NAV3: variants seen among roughly 807,000 people sequenced by gnomAD.
NAV3 encodes the protein neuron navigator 3, also known as pore membrane and/or filament interacting like protein 1.
In NAV3, 87 loss-of-function variants were observed where a neutral mutation model predicts 244.7. That is an observed-to-expected ratio of 0.36 (90% confidence interval 0.30 to 0.42). NAV3 has a LOEUF of 0.42. NAV3 is among the 20% of genes least tolerant of loss of function. The probability of loss-of-function intolerance (pLI) is 1.00; values close to 1 mark genes in which losing one functional copy is unlikely to be tolerated. For missense variants in NAV3, 2,663 were observed against 2,893.3 expected (o/e 0.92, Z 1.83); for synonymous variants, 1,126 against 1,042.2 (o/e 1.08, Z -1.55).
intron 12 of NAV3, among the ~76,000 whole-genome samples, chr12:78,066,930 G>A (rs922171338): frequency 1.1e-4 from 16 of 152,106 alleles, no homozygotes; most frequent in African/African-American, 3.6e-4. Context: ...AAATATCTAA[G>A]TCTGCAATTG....
intron 2 of NAV3, among the ~76,000 whole-genome samples, chr12:77,824,579 C>A (rs1292965513): frequency 6.6e-6 from 1 of 151,804 alleles, no homozygotes; most frequent in Non-Finnish European, 1.5e-5. Context: ...CATAACACAA[C>A]CTGAACAAAA....
chr12:78,151,563 T>C (rs756179199), intron 22 of NAV3, among the ~76,000 whole-genome samples: 1 of 151,986 alleles, frequency 6.6e-6, no homozygotes, highest in African/African-American at 2.4e-5. Flanking sequence ...TCCATTTATA[T>C]AACATTCCAG....
rs144325390 is a variant in NAV3, at chr12:77,578,291, G to A, written c.72+6025G>A. Among the ~76,000 whole-genome samples, 76 of 152,212 alleles carry A rather than the reference G, an allele frequency of 5.0e-4. 1 individual carries two copies. The East Asian group carries it at 0.013, about 25-fold the overall frequency. On this transcript the variant is annotated intron_variant, in intron 2 of 8. Transcript: ENST00000550042. ...GGGAATGTGCATTTTAAGATCCCCCGGTGACTCTAATGCACAGCAATATTT... is the reference window on the plus strand; with the variant it reads ...GGGAATGTGCATTTTAAGATCCCCCAGTGACTCTAATGCACAGCAATATTT...
At chr12:77,967,317 A>G (rs1892606115) in intron 4 of NAV3, among the ~76,000 whole-genome samples, 1 of 152,036 alleles carries the variant, frequency 6.6e-6, no homozygotes, top group South Asian at 2.1e-4. Context: ...TTTTTTAAAG[A>G]CTCTTTAAAC....
intron 12 of NAV3, among the ~76,000 whole-genome samples, chr12:78,086,676 T>G (rs1019826917): frequency 2.6e-5 from 4 of 152,056 alleles, no homozygotes; most frequent in Non-Finnish European, 5.9e-5. Context: ...CTTTTCACTT[T>G]GCCAACCTTG....
intron 2 of NAV3, among the ~76,000 whole-genome samples, chr12:77,719,059 AT>A (rs1269281865): frequency 1.3e-5 from 2 of 152,126 alleles, no homozygotes; most frequent in East Asian, 1.9e-4. Flanking sequence ...ATTCATAAGT[AT>A]TTTATTCTTT....
chr12:77,645,481 G>A (rs1038932583), intron 2 of NAV3, among the ~76,000 whole-genome samples: 1 of 144,126 alleles, frequency 6.9e-6, no homozygotes, highest in East Asian at 2.0e-4. Context: ...AGTCAAGTAG[G>A]CAGTTTGAGC....
chr12:78,173,974 A>G (rs968538708), intron 24 of NAV3, among the ~76,000 whole-genome samples: 2 of 151,718 alleles, frequency 1.3e-5, no homozygotes, highest in Non-Finnish European at 3.0e-5. Flanking sequence ...GCCATGGATC[A>G]TTTTTACTAT....
chr12:77,934,975 T>G (rs907755245), intron 1 of NAV3, among the ~76,000 whole-genome samples: 3 of 152,278 alleles, frequency 2.0e-5, no homozygotes, highest in African/African-American at 7.2e-5. Flanking sequence ...GAGGCAGTCT[T>G]TCCCCTATCA....
At chr12:77,585,213 T>C (rs696448) in intron 2 of NAV3, among the ~76,000 whole-genome samples, 44,598 of 152,024 alleles carry the variant, frequency 0.29, 6,688 homozygotes, top group East Asian at 0.45. Flanking sequence ...TCAGCAACTG[T>C]AGCTGCAGTG....
intron 12 of NAV3, among the ~76,000 whole-genome samples, chr12:78,104,761 T>A (rs190079753): frequency 6.0e-4 from 91 of 152,302 alleles, no homozygotes; most frequent in South Asian, 2.9e-3. Flanking sequence ...GCTACCACAG[T>A]CTTCCTGATC....
At chr12:77,735,499 CA>C (rs1355873037) in intron 2 of NAV3, among the ~76,000 whole-genome samples, 1 of 152,030 alleles carries the variant, frequency 6.6e-6, no homozygotes, top group Non-Finnish European at 1.5e-5. Flanking sequence ...CTCCTATAAA[CA>C]AAAGTTACTC....
intron 1 of NAV3, among the ~76,000 whole-genome samples, chr12:77,906,576 C>T (rs2136991064): frequency 6.6e-6 from 1 of 152,028 alleles, no homozygotes; most frequent in Non-Finnish European, 1.5e-5. Flanking sequence ...GAAATAATGT[C>T]CAGGTATTTT....
intron 12 of NAV3, among the ~76,000 whole-genome samples, chr12:78,071,280 G>C (rs1181656624): frequency 6.6e-6 from 1 of 152,110 alleles, no homozygotes; most frequent in Admixed American, 6.5e-5. Flanking sequence ...CTGTGGTTTT[G>C]ATTTGCATTT....
At chr12:78,195,461 A>G (rs1565790037) in intron 34 of NAV3, among the ~76,000 whole-genome samples, 2 of 151,628 alleles carry the variant, frequency 1.3e-5, no homozygotes, top group Non-Finnish European at 2.9e-5. Flanking sequence ...TCTCCCTATA[A>G]TGTTTTGTGC....
chr12:78,031,478 A>C (rs1452457737), intron 9 of NAV3, among the ~76,000 whole-genome samples: 3 of 151,884 alleles, frequency 2.0e-5, no homozygotes, highest in Non-Finnish European at 4.4e-5. Flanking sequence ...AACAAATAAG[A>C]CTCAATCTCA....
In NAV3 at chr12:77,808,334, T is replaced by G. The variant is rs183969180; in HGVS notation, c.73-131985T>G. Among the ~76,000 whole-genome samples the G allele has an allele frequency of 1.2e-4, 18 of 152,342 alleles. No homozygotes were observed. The East Asian group carries it at 2.3e-3, about 20-fold the overall frequency. ...GGATTTATCTACCTTCACTCTTTGA[T>G]GTTGGTGACCTTCGGATGGGGTTTT... On this transcript the variant is annotated intron_variant, in intron 2 of 8. Coordinates refer to the NAV3 transcript ENST00000550042.
chr12:77,701,652 C>T (rs1350664100), intron 2 of NAV3, among the ~76,000 whole-genome samples: 3 of 151,906 alleles, frequency 2.0e-5, no homozygotes, highest in Admixed American at 2.0e-4. Flanking sequence ...ATTTGAACTG[C>T]ACCTCACTAA....
At chr12:78,117,041 A>G in intron 13 of NAV3, 137 bp downstream of exon 13, 1 of 994,958 alleles carries the variant, frequency 1.0e-6, no homozygotes, top group Non-Finnish European at 1.4e-6. Flanking sequence ...GATAATAAGG[A>G]CTCCCTTTGC....
Sources: allele counts gnomAD v4.1 joint callset (sites outside exome capture counted in the v4.1 genomes callset), GRCh38; gene constraint gnomAD v4.1.1; transcripts MANE v1.5; gene names NCBI Gene and HGNC (gene_info 2026-07-23, HGNC 2026-07-21).